NDUFA10: variants seen among roughly 807,000 people sequenced by gnomAD.
The protein encoded by NDUFA10 is NADH dehydrogenase [ubiquinone] 1 alpha subcomplex subunit 10, mitochondrial.
NDUFA10 carries 40 observed loss-of-function variants against 47.8 expected under a neutral mutation model. The observed-to-expected ratio is 0.84, with a 90% CI of 0.65 to 1.09. The LOEUF is 1.09. NDUFA10 is among the 50% of genes least tolerant of loss of function. The pLI is 0.00. For synonymous variants in NDUFA10, 183 were observed against 172.2 expected (o/e 1.06, Z -0.49); for missense variants, 413 against 451.1 (o/e 0.92, Z 0.76).
Position 239,959,334 on chromosome 2 carries a change from C to T in NDUFA10, c.*1784G>A. On this transcript the variant is annotated 3_prime_UTR_variant, in exon 10 of 10. Transcript: ENST00000252711. ...GCCCTCTCACTGCTGAGGACACTAC[C>T]CGTGCAACCACCAAGGTTGAAGGAA... The T allele has an allele frequency of 3.0e-6, 3 of 985,462 alleles. No homozygotes were observed. Among genetic ancestry groups the T allele is most frequent in the Non-Finnish European group, 3.6e-6 (3 of 829,948 alleles). 61.0% of individuals were successfully genotyped at this position (985,462 alleles called of 1,614,324 possible).
chr2:239,948,430 C>A (rs561896908), intron 4 of NDUFA10, among the ~76,000 whole-genome samples: 2 of 152,238 alleles, frequency 1.3e-5, no homozygotes, highest in East Asian at 3.8e-4. Context: ...TGAGTGGCGA[C>A]GGAAAAGTAA....
intron 4 of NDUFA10, among the ~76,000 whole-genome samples, chr2:239,920,068 C>T (rs1693943190): frequency 1.3e-5 from 2 of 152,210 alleles, no homozygotes; most frequent in Admixed American, 1.3e-4. Flanking sequence ...TGTTGAAGCC[C>T]TGGTCCCAGC....
intron 4 of NDUFA10, among the ~76,000 whole-genome samples, chr2:239,908,235 C>T (rs538848670): frequency 2.1e-5 from 3 of 142,456 alleles, no homozygotes; most frequent in African/African-American, 5.2e-5. Flanking sequence ...CATCACACAC[C>T]GGGGCCTGTT....
At chr2:239,942,496 CG>C (rs1214397863) in intron 4 of NDUFA10, among the ~76,000 whole-genome samples, 1 of 152,212 alleles carries the variant, frequency 6.6e-6, no homozygotes, top group Non-Finnish European at 1.5e-5. Flanking sequence ...GACACTGTTT[CG>C]GTTCTGTTTG....
At position 239,998,159 on chromosome 2, in the gene NDUFA10, TCC is replaced by T. The variant is rs373659512; in HGVS notation, c.890+7049_890+7050del. 8.0e-4 allele frequency among the ~76,000 whole-genome samples: 122 copies of T among 152,322 alleles called. 2 individuals carry two copies. In the South Asian group the frequency reaches 0.014, roughly 18 times the overall value. On this transcript the variant is annotated intron_variant, in intron 8 of 9. Transcript: ENST00000252711. Reference sequence around the variant, plus strand: ...ATTTGATTCTATATTCAACCTTTGTTCCCGACTTTCTCTTCCAAGAGGGTGTG... The same window carrying T: ...ATTTGATTCTATATTCAACCTTTGTTCGACTTTCTCTTCCAAGAGGGTGTG...
chr2:239,945,090 G>C lies in NDUFA10; in HGVS notation c.294+44984C>G, dbSNP rs1385190154. 6.6e-6 allele frequency among the ~76,000 whole-genome samples: 1 copy of C among 151,976 alleles called. No homozygotes were observed. The highest frequency in any genetic ancestry group is 2.4e-5 in the African/African-American group (1 of 41,370). On this transcript the variant is annotated intron_variant, in intron 4 of 5. Transcript: ENST00000419408. This position sits in a 1 kb window ranked among gnomAD's most constrained non-coding sequence, Gnocchi z 4.6. ...AGCAGACTCCCAGGCAAGCCTCCCT[G>C]CCTCTCCTCTCTCTATCCTCTACAG... is the stretch of plus-strand genomic sequence containing the variant.
chr2:239,899,664 A>G (rs999479568), intron 4 of NDUFA10, among the ~76,000 whole-genome samples: 2 of 152,112 alleles, frequency 1.3e-5, no homozygotes, highest in Non-Finnish European at 2.9e-5. Flanking sequence ...TCAGAGCCAA[A>G]GCAATGAGCC....
At chr2:239,982,127 GAGA>G (rs1695802401) in intron 9 of NDUFA10, 2 of 1,612,638 alleles carry the variant, frequency 1.2e-6, no homozygotes, top group South Asian at 1.1e-5. Flanking sequence ...GAAGACCGAT[GAGA>G]AGGTCTTCCC....
At chr2:240,022,628 T>C (rs1420310833) in intron 1 of NDUFA10, among the ~76,000 whole-genome samples, 2 of 151,520 alleles carry the variant, frequency 1.3e-5, no homozygotes, top group East Asian at 1.9e-4. Context: ...TCAATAAAAA[T>C]TGGAGGGAGG....
intron 4 of NDUFA10, among the ~76,000 whole-genome samples, chr2:239,918,576 T>C (rs1287605376): frequency 2.0e-5 from 3 of 152,160 alleles, no homozygotes; most frequent in African/African-American, 7.2e-5. Context: ...CATACCTTAG[T>C]TCCCTCCCCT....
rs781101456 is a variant in NDUFA10 at position 240,021,190 on chromosome 2, A to C, written c.460+7T>G. On this transcript the variant is annotated splice_region_variant and intron_variant, in intron 3 of 9. Coordinates refer to ENST00000252711, the MANE Select transcript of NDUFA10 (RefSeq NM_004544.4). ...AGAACAGATCTAACTGCCCAGAAAT[A>C]CTGCACCTGTGGTCAGCAAGTGCTC... 6.2e-7 allele frequency: 1 copy of C among 1,611,346 alleles called. No homozygotes were observed.
At chr2:239,932,078 C>A (rs979172202) in intron 4 of NDUFA10, among the ~76,000 whole-genome samples, 2 of 149,572 alleles carry the variant, frequency 1.3e-5, no homozygotes, top group Admixed American at 6.6e-5. Flanking sequence ...TCGTGATCCA[C>A]CCTCTTCGGC....
At chr2:239,927,672 A>T (rs570292958) in intron 4 of NDUFA10, among the ~76,000 whole-genome samples, 241 of 152,330 alleles carry the variant, frequency 1.6e-3, no homozygotes, top group Non-Finnish European at 2.4e-3. Flanking sequence ...AAATTCTCAA[A>T]ATGACAAAAT....
intron 4 of NDUFA10, among the ~76,000 whole-genome samples, chr2:239,916,945 C>A (rs867366841): frequency 6.6e-6 from 1 of 152,308 alleles, no homozygotes; most frequent in African/African-American, 2.4e-5. Context: ...GGTGCTGGCA[C>A]CGTCCCAGGC....
chr2:239,942,852 T>C (rs1004928408), intron 4 of NDUFA10, among the ~76,000 whole-genome samples: 1 of 152,222 alleles, frequency 6.6e-6, no homozygotes, highest in African/African-American at 2.4e-5. Flanking sequence ...CCACAAAACC[T>C]GGCAAAGGCT....
chr2:239,971,676 T>C (rs1158475489), intron 9 of NDUFA10, among the ~76,000 whole-genome samples: 1 of 152,210 alleles, frequency 6.6e-6, no homozygotes, highest in Non-Finnish European at 1.5e-5. Context: ...TACGGTCACG[T>C]GGCTAGCTGG....
intron 4 of NDUFA10, among the ~76,000 whole-genome samples, chr2:239,918,697 G>C (rs190975274): frequency 1.3e-5 from 2 of 152,224 alleles, no homozygotes; most frequent in African/African-American, 4.8e-5. Context: ...GGTGTGGGTA[G>C]GGGTGGAGTT....
intron 4 of NDUFA10, among the ~76,000 whole-genome samples, chr2:239,918,356 A>C (rs1344686090): frequency 2.6e-5 from 4 of 152,170 alleles, no homozygotes; most frequent in Non-Finnish European, 5.9e-5. Flanking sequence ...CCTTGCTCTC[A>C]GGAAGCCCAC....
chr2:239,915,265 TAC>T (rs201178242), intron 4 of NDUFA10, among the ~76,000 whole-genome samples: 1 of 145,596 alleles, frequency 6.9e-6, no homozygotes, highest in Non-Finnish European at 1.5e-5. Flanking sequence ...CACACACACA[TAC>T]AGACACACAC....
Sources: allele counts gnomAD v4.1 joint callset (sites outside exome capture counted in the v4.1 genomes callset), GRCh38; gene constraint gnomAD v4.1.1; non-coding constraint Gnocchi (gnomAD v3.1); transcripts MANE v1.5; gene names NCBI Gene and HGNC (gene_info 2026-07-23, HGNC 2026-07-21).